KHDRBS3: variants seen among roughly 807,000 people sequenced by gnomAD.
The protein encoded by KHDRBS3 is KH domain-containing, RNA-binding, signal transduction-associated protein 3.
A neutral mutation model predicts 45.6 loss-of-function variants in KHDRBS3; 23 were observed. The ratio of observed to expected loss-of-function variants is 0.50; its 90% CI spans 0.36 to 0.72. The LOEUF is 0.72. Among genes scored for constraint, KHDRBS3 ranks in the 30% least tolerant of loss-of-function variants. KHDRBS3 has a pLI of 0.00. For synonymous variants in KHDRBS3, 162 were observed against 156.5 expected (o/e 1.04, Z -0.26); for missense variants, 352 against 424.8 (o/e 0.83, Z 1.51).
At chr8:135,608,705 T>C (rs1182922501) in intron 7 of KHDRBS3, among the ~76,000 whole-genome samples, 1 of 152,212 alleles carries the variant, frequency 6.6e-6, no homozygotes, top group Non-Finnish European at 1.5e-5. Flanking sequence ...ACGACTGGGA[T>C]ATGATCTGAG....
intron 5 of KHDRBS3, among the ~76,000 whole-genome samples, chr8:135,559,927 A>G (rs1445186117): frequency 6.6e-6 from 1 of 152,172 alleles, no homozygotes; most frequent in African/African-American, 2.4e-5. Flanking sequence ...AAGTAAAAAG[A>G]GAAACAGTCC....
intron 1 of KHDRBS3, among the ~76,000 whole-genome samples, chr8:135,518,586 G>A (rs888462258): frequency 2.9e-4 from 44 of 152,104 alleles, no homozygotes; most frequent in Non-Finnish European, 4.3e-4. Context: ...TTGTTGAATC[G>A]TCTAACTATG....
intron 1 of KHDRBS3, among the ~76,000 whole-genome samples, chr8:135,499,207 G>A (rs773978669): frequency 3.3e-5 from 5 of 152,172 alleles, no homozygotes; most frequent in Admixed American, 1.3e-4. Context: ...GAAATATAAT[G>A]ACAATACATG....
chr8:135,530,872 C>A (rs559872418), intron 2 of KHDRBS3, among the ~76,000 whole-genome samples: 1 of 152,172 alleles, frequency 6.6e-6, no homozygotes, highest in South Asian at 2.1e-4. Context: ...CTTTACATTT[C>A]ATTTCACTCC....
rs1382074578 is a variant in KHDRBS3 at position 135,457,500 on chromosome 8, T to TCGGGTGCTGG, written c.-365_-356dup. On this transcript the variant is annotated 5_prime_UTR_variant, in exon 1 of 9. Transcript: ENST00000355849. This position sits in a 1 kb window ranked among gnomAD's most constrained non-coding sequence, Gnocchi z 4.4. ...GCGGCGTGCAGGTCGCAGCTGTGGC[T>TCGGGTGCTGG]CGGGTGCTGGCAGGTGCTGGCGGGA... 18 of 146,984 alleles carry TCGGGTGCTGG rather than the reference T, an allele frequency of 1.2e-4. No homozygotes were observed. The East Asian group carries it at 3.6e-3, about 29-fold the overall frequency. 9.1% of individuals were successfully genotyped at this position (146,984 alleles called of 1,614,324 possible). A position where few individuals can be genotyped will look rare whatever the true frequency, so the allele number is the denominator to read the frequency against.
At chr8:135,509,781 C>G (rs1260998117) in intron 1 of KHDRBS3, among the ~76,000 whole-genome samples, 1 of 152,092 alleles carries the variant, frequency 6.6e-6, no homozygotes, top group East Asian at 1.9e-4. Flanking sequence ...AAATGCTACA[C>G]TGGTAGCATT....
intron 7 of KHDRBS3, chr8:135,625,142 T>G (rs1830301619): frequency 5.3e-6 from 6 of 1,127,538 alleles, no homozygotes; most frequent in East Asian, 2.4e-5. Context: ...AAGCACATGA[T>G]TTGGAGTGAA....
At chr8:135,645,924 C>T (rs533572052) in intron 8 of KHDRBS3, among the ~76,000 whole-genome samples, 3 of 150,114 alleles carry the variant, frequency 2.0e-5, no homozygotes, top group East Asian at 3.9e-4. Context: ...AACCATTTTC[C>T]GGCGTTAAAC....
chr8:135,631,559 T>C (rs1300105076), intron 7 of KHDRBS3, among the ~76,000 whole-genome samples: 1 of 152,170 alleles, frequency 6.6e-6, no homozygotes. Context: ...CCACATCTTG[T>C]GCCTCTGGAA....
chr8:135,512,891 T>G (rs1027511653), intron 1 of KHDRBS3, among the ~76,000 whole-genome samples: 1 of 152,076 alleles, frequency 6.6e-6, no homozygotes, highest in African/African-American at 2.4e-5. Context: ...AATTCATCTG[T>G]GGGGTGAAGG....
At chr8:135,655,770 T>G (rs1365652427) in intron 4 of KHDRBS3, among the ~76,000 whole-genome samples, 2 of 152,166 alleles carry the variant, frequency 1.3e-5, no homozygotes, top group Non-Finnish European at 2.9e-5. Context: ...CCAGCCAGTT[T>G]TTTAAATAAC....
At chr8:135,521,160 AC>A (rs1824885365) in intron 1 of KHDRBS3, 76 bp from the exon 2 acceptor site, 2 of 799,980 alleles carry the variant, frequency 2.5e-6, no homozygotes, top group Admixed American at 4.3e-5. Context: ...ATTTCATGCC[AC>A]TACAGAGCTA....
At chr8:135,484,770 A>G (rs1822760901) in intron 1 of KHDRBS3, among the ~76,000 whole-genome samples, 1 of 152,114 alleles carries the variant, frequency 6.6e-6, no homozygotes, top group Non-Finnish European at 1.5e-5. Flanking sequence ...TTTCTTCCTC[A>G]AAGTCCTGCT....
At chr8:135,507,711 A>G (rs186620993) in intron 1 of KHDRBS3, among the ~76,000 whole-genome samples, 127 of 152,300 alleles carry the variant, frequency 8.3e-4, no homozygotes, top group Non-Finnish European at 1.4e-3. Flanking sequence ...GTGACTGGAG[A>G]GTGACCTAGT....
chr8:135,464,027 C>T (rs183642310), intron 1 of KHDRBS3, among the ~76,000 whole-genome samples: 103 of 152,142 alleles, frequency 6.8e-4, no homozygotes, highest in African/African-American at 2.3e-3. Flanking sequence ...CAAATGAGGC[C>T]TCTAAGGCTC....
At chr8:135,464,363 A>G (rs1821587898) in intron 1 of KHDRBS3, among the ~76,000 whole-genome samples, 1 of 152,210 alleles carries the variant, frequency 6.6e-6, no homozygotes, top group African/African-American at 2.4e-5. Flanking sequence ...TTCAGTGACC[A>G]AAAAGAAAAT....
intron 7 of KHDRBS3, among the ~76,000 whole-genome samples, chr8:135,608,564 G>C (rs990187402): frequency 6.6e-5 from 10 of 152,210 alleles, no homozygotes; most frequent in African/African-American, 2.4e-4. Flanking sequence ...CTGATAAAAT[G>C]GTAACAGGTG....
At chr8:135,648,450 T>A (rs1311917784), downstream of KHDRBS3, 2 of 152,242 alleles carry the variant, frequency 1.3e-5, no homozygotes, top group Admixed American at 6.5e-5. Context: ...TAAGCTTTTT[T>A]AATTGTAGAT....
chr8:135,631,683 C>T (rs531745025), intron 7 of KHDRBS3, among the ~76,000 whole-genome samples: 1 of 152,292 alleles, frequency 6.6e-6, no homozygotes, highest in South Asian at 2.1e-4. Flanking sequence ...CAAGTAAACA[C>T]AGCTAAAACA....
Sources: gnomAD v4.1 joint callset for allele counts (sites outside exome capture counted in the v4.1 genomes callset) on GRCh38, gnomAD v4.1.1 for gene constraint, Gnocchi (gnomAD v3.1) non-coding constraint, MANE v1.5 for transcripts, NCBI Gene and HGNC (gene_info 2026-07-23, HGNC 2026-07-21) for gene names.